The following TMTC2 variants were observed in gnomAD, a reference collection of about 807,000 sequenced individuals.
TMTC2 encodes the protein transmembrane O-mannosyltransferase targeting cadherins 2.
In TMTC2, 43 loss-of-function variants were observed where a neutral mutation model predicts 82.4. The observed-to-expected ratio is 0.52, with a 90% CI of 0.41 to 0.67. The LOEUF (loss-of-function observed/expected upper bound fraction) is 0.67, where lower values mean the gene tolerates loss of function less well. Among genes scored for constraint, TMTC2 ranks in the 30% least tolerant of loss-of-function variants. The pLI is 0.00. For synonymous variants in TMTC2, 408 were observed against 381.9 expected (o/e 1.07, Z -0.80); for missense variants, 919 against 1,012.4 (o/e 0.91, Z 1.25).
At chr12:82,859,971 G>T (rs1387829171) in intron 2 of TMTC2, among the ~76,000 whole-genome samples, 2 of 151,944 alleles carry the variant, frequency 1.3e-5, no homozygotes, top group African/African-American at 2.4e-5. Context: ...ATAGATTTTT[G>T]TTGTTGTTGT....
intron 8 of TMTC2, among the ~76,000 whole-genome samples, chr12:83,025,899 A>AG (rs1184444569): frequency 6.6e-6 from 1 of 152,210 alleles, no homozygotes; most frequent in African/African-American, 2.4e-5. Context: ...TCCTCAGCAT[A>AG]GGAACTTCTG....
intron 1 of TMTC2, among the ~76,000 whole-genome samples, chr12:82,708,830 C>G (rs1324869774): frequency 6.6e-6 from 1 of 152,222 alleles, no homozygotes; most frequent in Non-Finnish European, 1.5e-5. Flanking sequence ...AAGTGTTTTG[C>G]TTGACCTCCC....
intron 10 of TMTC2, among the ~76,000 whole-genome samples, chr12:83,060,406 A>G (rs1043364485): frequency 6.6e-6 from 1 of 151,746 alleles, no homozygotes; most frequent in African/African-American, 2.4e-5. Context: ...ATGGCTAGTT[A>G]ACCTTCTCTT....
chr12:82,896,640 G>A lies in TMTC2; in HGVS notation c.1477G>A (p.Ala493Thr). 1 of 1,596,056 alleles carries A rather than the reference G, an allele frequency of 6.3e-7. No homozygotes were observed. The highest frequency in any genetic ancestry group is 8.5e-7 in the Non-Finnish European group (1 of 1,173,152). The stretch of plus-strand genomic sequence containing the variant: ...TAGATCAGGGATAAAAGTAAACCCA[G>A]CTAAAGGTAATCTTTTATTTTATGC... ...LYRSGIKVNPAKAWGNLGNVL... is the reference protein window; with the variant it reads ...LYRSGIKVNPTKAWGNLGNVL... The change falls in exon 3 of 12, where the codon GCT (alanine) becomes ACT (threonine). Residue 493 changes from alanine (A) to threonine (T), a missense_variant. Ala to Thr is a moderately conservative substitution (Grantham distance 58). Transcript: ENST00000321196.
chr12:83,069,846 A>G (rs763478756), intron 11 of TMTC2, among the ~76,000 whole-genome samples: 1 of 151,844 alleles, frequency 6.6e-6, no homozygotes, highest in African/African-American at 2.4e-5. Context: ...TCCTTAATCC[A>G]TCTTGAGTAG....
At chr12:82,815,165 CTTTTTTT>C (rs773702402) in intron 1 of TMTC2, among the ~76,000 whole-genome samples, 2 of 142,080 alleles carry the variant, frequency 1.4e-5, no homozygotes, top group Non-Finnish European at 3.1e-5. Flanking sequence ...TTCTTTTATT[CTTTTTTT>C]TTTTTTGGAG....
At chr12:82,786,222 A>G (rs888086471) in intron 1 of TMTC2, among the ~76,000 whole-genome samples, 1 of 152,112 alleles carries the variant, frequency 6.6e-6, no homozygotes, top group East Asian at 1.9e-4. Flanking sequence ...ATGCAAGGAA[A>G]CATCTTACTT....
At chr12:82,948,350 G>A (rs1877143798) in intron 4 of TMTC2, among the ~76,000 whole-genome samples, 1 of 146,916 alleles carries the variant, frequency 6.8e-6, no homozygotes, top group African/African-American at 2.6e-5. Flanking sequence ...GGACAACAGA[G>A]GGAAACCCTA....
intron 2 of TMTC2, among the ~76,000 whole-genome samples, chr12:82,885,453 T>G (rs1022476721): frequency 6.6e-6 from 1 of 152,102 alleles, no homozygotes; most frequent in African/African-American, 2.4e-5. Flanking sequence ...CACTGTAGTC[T>G]TGATTTCCTG....
chr12:82,874,224 C>A (rs932462789), intron 2 of TMTC2, among the ~76,000 whole-genome samples: 32 of 152,206 alleles, frequency 2.1e-4, no homozygotes, highest in African/African-American at 7.5e-4. Context: ...ATGACATAAA[C>A]CCTGCAGTTC....
At chr12:83,128,273 T>C (rs983244164) in intron 11 of TMTC2, among the ~76,000 whole-genome samples, 1 of 152,172 alleles carries the variant, frequency 6.6e-6, no homozygotes, top group African/African-American at 2.4e-5. Flanking sequence ...CCTGAAATTT[T>C]TGCATTTCAG....
chr12:82,893,899 T>A (rs986183006), intron 2 of TMTC2, among the ~76,000 whole-genome samples: 1 of 152,046 alleles, frequency 6.6e-6, no homozygotes, highest in Non-Finnish European at 1.5e-5. Context: ...TAGGAGGAGA[T>A]TATTGTAGGA....
intron 2 of TMTC2, among the ~76,000 whole-genome samples, chr12:82,881,102 T>C (rs1042444351): frequency 1.3e-5 from 2 of 152,182 alleles, no homozygotes; most frequent in Non-Finnish European, 2.9e-5. Context: ...TAAAAGATAG[T>C]ACTATAATGA....
chr12:82,899,012 G>A (rs1342226794), intron 3 of TMTC2, among the ~76,000 whole-genome samples: 1 of 152,176 alleles, frequency 6.6e-6, no homozygotes, highest in Non-Finnish European at 1.5e-5. Flanking sequence ...TTGGTACACA[G>A]TTAGAATGTT....
chr12:83,105,224 T>C (rs1041264982), intron 11 of TMTC2, among the ~76,000 whole-genome samples: 4 of 152,214 alleles, frequency 2.6e-5, no homozygotes, highest in African/African-American at 9.6e-5. Context: ...TTTATCTTCC[T>C]GTCCTTTTCT....
intron 1 of TMTC2, among the ~76,000 whole-genome samples, chr12:82,696,345 A>G (rs1011528640): frequency 2.6e-5 from 4 of 152,230 alleles, no homozygotes; most frequent in Admixed American, 2.6e-4. Flanking sequence ...GAAAAAAAAT[A>G]TGGTACTGAA....
intron 1 of TMTC2, among the ~76,000 whole-genome samples, chr12:82,746,387 T>A (rs1004222867): frequency 6.6e-6 from 1 of 152,198 alleles, no homozygotes; most frequent in Non-Finnish European, 1.5e-5. Context: ...TGCATGTTTT[T>A]GTCTACTGGG....
chr12:82,815,403 C>G lies in TMTC2; in HGVS notation c.84-41607C>G, dbSNP rs150367221. Among the ~76,000 whole-genome samples, 1,264 of 151,860 alleles carry G rather than the reference C, an allele frequency of 8.3e-3. 15 individuals are homozygous for G. The highest frequency in any genetic ancestry group is 0.029 in the African/African-American group (1,211 of 41,432). The stretch of plus-strand genomic sequence containing the variant: ...TCGGCTCACTGCAAGCTCTGCCTCC[C>G]GAGTTGACGCCATTGTCCTGCCTCA... On this transcript the variant is annotated intron_variant, in intron 1 of 11. Coordinates refer to ENST00000321196, the MANE Select transcript of TMTC2 (RefSeq NM_152588.3).
At chr12:82,808,763 C>A (rs1048385430) in intron 1 of TMTC2, among the ~76,000 whole-genome samples, 3 of 151,986 alleles carry the variant, frequency 2.0e-5, no homozygotes. Context: ...TTTTACTGGA[C>A]AGAGTTTGGG....
Sources: gnomAD v4.1 joint callset for allele counts (sites outside exome capture counted in the v4.1 genomes callset) on GRCh38, gnomAD v4.1.1 for gene constraint, MANE v1.5 for transcripts, NCBI Gene and HGNC (gene_info 2026-07-23, HGNC 2026-07-21) for gene names.